Variants in DPYSL5 observed in about 807,000 individuals in gnomAD.
The protein encoded by DPYSL5 is dihydropyrimidinase like 5, also known as dihydropyrimidinase-related protein 5.
In DPYSL5, 9 loss-of-function variants were observed where a neutral mutation model predicts 58.4. The observed-to-expected ratio is 0.15, with a 90% CI of 0.09 to 0.27. The LOEUF (loss-of-function observed/expected upper bound fraction) is 0.27. Among genes scored for constraint, DPYSL5 ranks in the 10% least tolerant of loss-of-function variants. The probability of loss-of-function intolerance (pLI) is 1.00; values close to 1 mark genes in which losing one functional copy is unlikely to be tolerated. For synonymous variants in DPYSL5, 293 were observed against 301.9 expected (o/e 0.97, Z 0.31); for missense variants, 499 against 770.6 (o/e 0.65, Z 4.17).
chr2:26,935,967 A>G (rs1422418280), intron 8 of DPYSL5, among the ~76,000 whole-genome samples: 1 of 152,230 alleles, frequency 6.6e-6, no homozygotes, highest in East Asian at 1.9e-4. Flanking sequence ...TGAGGCCCAG[A>G]GGAAGCCCAC....
At chr2:26,867,425 G>T (rs546090096) in intron 1 of DPYSL5, among the ~76,000 whole-genome samples, 6 of 150,412 alleles carry the variant, frequency 4.0e-5, no homozygotes, top group African/African-American at 9.8e-5. Context: ...TGGACATTCG[G>T]TTTGTTCCCA....
intron 1 of DPYSL5, among the ~76,000 whole-genome samples, chr2:26,851,287 T>C (rs1290928464): frequency 2.1e-5 from 1 of 48,402 alleles, no homozygotes; most frequent in Non-Finnish European, 3.9e-5. Flanking sequence ...TGCAGTCTGT[T>C]CCTCATGGCA....
Position 26,933,837 on chromosome 2 carries a change from A to C in DPYSL5, c.790+504A>C, listed in dbSNP as rs963252139. ...TGGCTTCTGTTGCGGATCGCCTGGC[A>C]GTACCTAAAGGCTTGCAGATGCTTG... On this transcript the variant is annotated intron_variant, in intron 7 of 12. Transcript: ENST00000288699. The surrounding 1 kb of genome is among the most constrained non-coding windows in gnomAD (Gnocchi z 4.2). 6.6e-6 allele frequency among the ~76,000 whole-genome samples: 1 copy of C among 152,130 alleles called. No homozygotes were observed. The highest frequency in any genetic ancestry group is 1.5e-5 in the Non-Finnish European group (1 of 68,012).
At chr2:26,851,643 G>A (rs1665758087) in intron 1 of DPYSL5, among the ~76,000 whole-genome samples, 1 of 152,060 alleles carries the variant, frequency 6.6e-6, no homozygotes, top group Non-Finnish European at 1.5e-5. Context: ...GCAGGTCTCT[G>A]GGGTAAAAGT....
rs72851877 is a variant in DPYSL5, at chr2:26,934,441, T to C, written c.791-137T>C. 7.9e-3 allele frequency: 8,355 copies of C among 1,057,872 alleles called. 274 individuals carry two copies. In the African/African-American group the frequency reaches 0.093, roughly 12 times the overall value. The allele number at this position is 1,057,872 out of a possible 1,614,324, so 65.5% of individuals were successfully genotyped here. On this transcript the variant is annotated intron_variant, in intron 7 of 12. Transcript: ENST00000288699. The surrounding 1 kb of genome is among the most constrained non-coding windows in gnomAD (Gnocchi z 4.3). ...CTGGGCTTGAACCCAGCTGTGCTCTTAAAAGCCCTGTGAGCTTGGGCAGGT... is the reference window on the plus strand; with the variant it reads ...CTGGGCTTGAACCCAGCTGTGCTCTCAAAAGCCCTGTGAGCTTGGGCAGGT...
intron 8 of DPYSL5, among the ~76,000 whole-genome samples, chr2:26,935,339 G>A (rs1269995431): frequency 1.3e-5 from 2 of 152,128 alleles, no homozygotes; most frequent in Admixed American, 6.6e-5. Flanking sequence ...ACCCAATTAT[G>A]GAAGGGTTTC....
chr2:26,858,579 T>C (rs938879396), intron 1 of DPYSL5, among the ~76,000 whole-genome samples: 1 of 151,632 alleles, frequency 6.6e-6, no homozygotes, highest in Admixed American at 6.6e-5. Flanking sequence ...TTTAATTTTT[T>C]TTTTTTTTGG....
chr2:26,886,946 C>T (rs1663734847), intron 1 of DPYSL5, among the ~76,000 whole-genome samples: 1 of 152,192 alleles, frequency 6.6e-6, no homozygotes, highest in Non-Finnish European at 1.5e-5. Flanking sequence ...TCGTGTATTG[C>T]CTTTTGATCC....
chr2:26,858,446 C>T (rs1415605964), intron 1 of DPYSL5, among the ~76,000 whole-genome samples: 2 of 152,190 alleles, frequency 1.3e-5, no homozygotes, highest in African/African-American at 4.8e-5. Context: ...GCTGGGATTA[C>T]AGGCGTGAGC....
intron 1 of DPYSL5, among the ~76,000 whole-genome samples, chr2:26,891,428 G>A (rs1354394139): frequency 6.6e-6 from 1 of 152,148 alleles, no homozygotes; most frequent in East Asian, 1.9e-4. Context: ...CCAGTGTTCT[G>A]CAAGGGAGCC....
chr2:26,938,808 G>C (rs1665246355), intron 8 of DPYSL5: 1 of 152,200 alleles, frequency 6.6e-6, no homozygotes, highest in African/African-American at 2.4e-5. Flanking sequence ...CTGACCTTCA[G>C]GGCACCCACA....
intron 1 of DPYSL5, among the ~76,000 whole-genome samples, chr2:26,860,233 A>T (rs1371046218): frequency 1.3e-5 from 2 of 152,222 alleles, no homozygotes; most frequent in African/African-American, 4.8e-5. Flanking sequence ...ATATAAAAAC[A>T]ATCAAAGGGA....
In DPYSL5 at chr2:26,898,370, G is replaced by A; in HGVS notation, c.-4-126G>A. 3 of 1,351,402 alleles carry A rather than the reference G, an allele frequency of 2.2e-6. No individual in the cohort carries two copies. Among genetic ancestry groups the A allele is most frequent in the South Asian group, 2.8e-5 (2 of 71,160 alleles). 83.7% of individuals were successfully genotyped at this position (1,351,402 alleles called of 1,614,324 possible). The stretch of plus-strand genomic sequence containing the variant: ...AGGCTTGTGACTCCCGCTGGCTGTA[G>A]GGGAAAGTTCCTCCTCTTCTCTGCT... On this transcript the variant is annotated intron_variant, in intron 1 of 12. Coordinates refer to ENST00000288699, the MANE Select transcript of DPYSL5 (RefSeq NM_020134.4). This position sits in a 1 kb window ranked among gnomAD's most constrained non-coding sequence, Gnocchi z 6.1.
At chr2:26,892,477 G>A (rs574804136) in intron 1 of DPYSL5, among the ~76,000 whole-genome samples, 8 of 152,146 alleles carry the variant, frequency 5.3e-5, no homozygotes, top group East Asian at 1.9e-4. Flanking sequence ...TTGACATAAC[G>A]ATTATGCAGC....
Position 26,940,028 on chromosome 2 carries a change from C to T in DPYSL5, c.948-3C>T. On this transcript the variant is annotated splice_polypyrimidine_tract_variant and splice_region_variant and intron_variant, in intron 8 of 12. Coordinates refer to ENST00000288699, the MANE Select transcript of DPYSL5 (RefSeq NM_020134.4). ...TACTGGTCACCTCCTTTTCTCTACC[C>T]AGTGACACTCTGAACATCGTGGCAT... The T allele has an allele frequency of 2.5e-6, 4 of 1,614,140 alleles. No individual in the cohort carries two copies. Among genetic ancestry groups the T allele is most frequent in the Non-Finnish European group, 3.4e-6 (4 of 1,180,014 alleles).
intron 1 of DPYSL5, among the ~76,000 whole-genome samples, chr2:26,893,819 A>G (rs1663947652): frequency 2.0e-5 from 3 of 152,122 alleles, no homozygotes; most frequent in Non-Finnish European, 2.9e-5. Context: ...AGAAGAGGGG[A>G]CAATTGGGCC....
intron 12 of DPYSL5, among the ~76,000 whole-genome samples, chr2:26,945,536 G>A (rs1164259653): frequency 1.4e-4 from 19 of 131,972 alleles, no homozygotes; most frequent in African/African-American, 2.3e-4. Context: ...ATCACCATGC[G>A]AGCCACGGGC....
chr2:26,867,460 T>G (rs1421324735), intron 1 of DPYSL5, among the ~76,000 whole-genome samples: 7 of 56,516 alleles, frequency 1.2e-4, no homozygotes, highest in Admixed American at 2.4e-4. Flanking sequence ...TTTTTGTTTG[T>G]TTTTTTTTTT....
chr2:26,857,104 G>A (rs1307663805), intron 1 of DPYSL5, among the ~76,000 whole-genome samples: 1 of 151,938 alleles, frequency 6.6e-6, no homozygotes. Flanking sequence ...TATTATAAAT[G>A]CAACATTGGT....
Sources: allele counts gnomAD v4.1 joint callset (sites outside exome capture counted in the v4.1 genomes callset), GRCh38; gene constraint gnomAD v4.1.1; non-coding constraint Gnocchi (gnomAD v3.1); transcripts MANE v1.5; gene names NCBI Gene and HGNC (gene_info 2026-07-23, HGNC 2026-07-21).